KIF6: variants seen among roughly 807,000 people sequenced by gnomAD.
KIF6 encodes the protein kinesin family member 6.
A neutral mutation model predicts 112.7 loss-of-function variants in KIF6; 106 were observed. That is an observed-to-expected ratio of 0.94 (90% CI 0.80 to 1.11). The LOEUF is 1.11. Ranked by LOEUF, KIF6 falls within the 50% of genes least tolerant of loss-of-function variation. The pLI is 0.00. For missense variants in KIF6, 929 were observed against 964.0 expected, an observed-to-expected ratio of 0.96 and a Z score of 0.48; for synonymous variants, 339 against 339.9, an observed-to-expected ratio of 1.00 and a Z score of 0.03.
intron 13 of KIF6, among the ~76,000 whole-genome samples, chr6:39,484,120 T>C (rs1342307692): frequency 6.6e-6 from 1 of 152,188 alleles, no homozygotes; most frequent in South Asian, 2.1e-4. Flanking sequence ...TCACTCTGCA[T>C]TCGCTACATA....
Position 39,598,251 on chromosome 6 carries a change from G to A in KIF6, c.640-1991C>T, listed in dbSNP as rs369026070. The stretch of plus-strand genomic sequence containing the variant: ...CTTGCAAATCAGTGAGAAAAAGTAA[G>A]CAAAGAATATGACTAGGTAACTCAT... On this transcript the variant is annotated intron_variant, in intron 6 of 22. Coordinates refer to ENST00000287152, the MANE Select transcript of KIF6 (RefSeq NM_145027.6). Among the ~76,000 whole-genome samples, 7 of 151,924 alleles carry A rather than the reference G, an allele frequency of 4.6e-5. No homozygotes were observed. The East Asian group carries it at 1.2e-3, about 25-fold the overall frequency.
At chr6:39,462,959 T>C (rs1222006689) in intron 13 of KIF6, among the ~76,000 whole-genome samples, 1 of 152,178 alleles carries the variant, frequency 6.6e-6, no homozygotes, top group African/African-American at 2.4e-5. Context: ...ACTAAAGCCC[T>C]TAGTGAGAAA....
intron 5 of KIF6, among the ~76,000 whole-genome samples, chr6:39,630,129 CT>C (rs1272501811): frequency 6.6e-6 from 1 of 151,958 alleles, no homozygotes; most frequent in Non-Finnish European, 1.5e-5. Flanking sequence ...AGTCTTTTGA[CT>C]TTGTTCTTCT....
intron 10 of KIF6, among the ~76,000 whole-genome samples, chr6:39,556,881 C>T (rs1245847006): frequency 6.6e-6 from 1 of 152,132 alleles, no homozygotes; most frequent in Admixed American, 6.5e-5. Context: ...AAGCTTTACC[C>T]ATCCTTTGCT....
chr6:39,712,160 C>G (rs1370166422), intron 3 of KIF6, among the ~76,000 whole-genome samples: 1 of 151,840 alleles, frequency 6.6e-6, no homozygotes, highest in Admixed American at 6.6e-5. Flanking sequence ...GTTAAAGTAA[C>G]TAATTAAAGA....
chr6:39,377,204 G>A (rs1260672835), intron 16 of KIF6, among the ~76,000 whole-genome samples: 1 of 152,120 alleles, frequency 6.6e-6, no homozygotes, highest in East Asian at 1.9e-4. Context: ...ATGTGCTGCT[G>A]TACCTGGCTA....
chr6:39,656,814 G>A (rs886141309), intron 3 of KIF6, among the ~76,000 whole-genome samples: 1 of 152,136 alleles, frequency 6.6e-6, no homozygotes, highest in African/African-American at 2.4e-5. Context: ...GCTTTTTAAA[G>A]CTCTTTCTGA....
At chr6:39,529,896 C>T (rs1777945734) in intron 13 of KIF6, among the ~76,000 whole-genome samples, 1 of 152,230 alleles carries the variant, frequency 6.6e-6, no homozygotes, top group South Asian at 2.1e-4. Context: ...TGTCCAAATT[C>T]TGCCCATCCT....
chr6:39,422,675 C>T lies in KIF6; in HGVS notation c.1755-2672G>A, dbSNP rs180779169. Among the ~76,000 whole-genome samples the T allele has an allele frequency of 1.8e-4, 28 of 152,260 alleles. No individual in the cohort carries two copies. In the South Asian group the frequency reaches 2.3e-3, roughly 12 times the overall value. ...GCTAAGGACTCGGTTAGGAAAGATG[C>T]GAGAAAGAGGGTGACCCCATCAGTG... On this transcript the variant is annotated intron_variant, in intron 14 of 22. Transcript: ENST00000287152.
intron 15 of KIF6, among the ~76,000 whole-genome samples, chr6:39,417,580 CAGTT>C (rs1295343550): frequency 1.3e-5 from 2 of 152,202 alleles, no homozygotes; most frequent in Non-Finnish European, 1.5e-5. Context: ...TGACAGCCCT[CAGTT>C]GGTTGGCCCT....
chr6:39,667,162 G>T (rs761667527), intron 3 of KIF6, among the ~76,000 whole-genome samples: 1 of 152,078 alleles, frequency 6.6e-6, no homozygotes, highest in Non-Finnish European at 1.5e-5. Flanking sequence ...AAATGAGAGA[G>T]GATTTATTAG....
intron 18 of KIF6, among the ~76,000 whole-genome samples, chr6:39,357,605 T>C (rs1309851583): frequency 1.3e-5 from 2 of 152,080 alleles, no homozygotes; most frequent in Admixed American, 1.3e-4. Context: ...CCCGCCATCA[T>C]GCCCGGCAAA....
intron 7 of KIF6, among the ~76,000 whole-genome samples, chr6:39,590,674 C>T (rs1419732610): frequency 6.6e-6 from 1 of 151,874 alleles, no homozygotes; most frequent in Non-Finnish European, 1.5e-5. Context: ...TGATCTCAAA[C>T]CCCTGACCTC....
chr6:39,458,474 C>T lies in KIF6; in HGVS notation c.1646-27313G>A, dbSNP rs1372455798. 3.4e-5 allele frequency among the ~76,000 whole-genome samples: 5 copies of T among 148,400 alleles called. 1 individual carries two copies. The Admixed American group carries it at 3.4e-4, about 10-fold the overall frequency. ...TGAAAACTGGCACAAGACAGGGATG[C>T]CCTCTCTCACCGCTCCTATTCAACA... On this transcript the variant is annotated intron_variant, in intron 13 of 22. Transcript: ENST00000287152.
rs964819870 is a variant in KIF6 at position 39,647,667 on chromosome 6, G to T, written c.252-7910C>A. ...AAAGTTCAGATGGGTGAAGGATTAT[G>T]GCTATGTCAGGAACCTAGGTCAAAC... On this transcript the variant is annotated intron_variant, in intron 3 of 22. Coordinates refer to ENST00000287152, the MANE Select transcript of KIF6 (RefSeq NM_145027.6). Among the ~76,000 whole-genome samples, 13 of 151,954 alleles carry T rather than the reference G, an allele frequency of 8.6e-5. No homozygotes were observed. In the East Asian group the frequency reaches 2.3e-3, roughly 27 times the overall value.
chr6:39,611,965 T>C (rs1783237756), intron 6 of KIF6, among the ~76,000 whole-genome samples: 1 of 152,108 alleles, frequency 6.6e-6, no homozygotes, highest in African/African-American at 2.4e-5. Flanking sequence ...TTGTTTCAAA[T>C]AAAAGTAAAA....
intron 3 of KIF6, among the ~76,000 whole-genome samples, chr6:39,661,859 T>C (rs1786168284): frequency 6.6e-6 from 1 of 152,108 alleles, no homozygotes; most frequent in Non-Finnish European, 1.5e-5. Flanking sequence ...CTTTGAAAAA[T>C]ACAAATCAGG....
At chr6:39,497,548 G>A (rs1775860271) in intron 13 of KIF6, among the ~76,000 whole-genome samples, 1 of 152,176 alleles carries the variant, frequency 6.6e-6, no homozygotes, top group Admixed American at 6.5e-5. Flanking sequence ...ACAAAGCCCA[G>A]TGTTCAGGGG....
intron 3 of KIF6, among the ~76,000 whole-genome samples, chr6:39,697,541 CTTTTT>C (rs35838361): frequency 7.6e-6 from 1 of 131,478 alleles, no homozygotes; most frequent in African/African-American, 2.8e-5. Context: ...TTTATCCTTT[CTTTTT>C]TTTTTTTTTC....
Sources: allele counts gnomAD v4.1 joint callset (sites outside exome capture counted in the v4.1 genomes callset), GRCh38; gene constraint gnomAD v4.1.1; transcripts MANE v1.5; gene names NCBI Gene and HGNC (gene_info 2026-07-23, HGNC 2026-07-21).